Variants in DOCK2 observed in about 807,000 individuals in gnomAD.
DOCK2 encodes dedicator of cytokinesis protein 2.
In DOCK2, 87 loss-of-function variants were observed where a neutral mutation model predicts 248.9. That is an observed-to-expected ratio of 0.35 (90% CI 0.29 to 0.42). The LOEUF is 0.42. Ranked by LOEUF, DOCK2 falls within the 10% of genes least tolerant of loss-of-function variation. The pLI is 1.00. For synonymous variants in DOCK2, 805 were observed against 821.6 expected (o/e 0.98, Z 0.35); for missense variants, 1,747 against 2,300.2 (o/e 0.76, Z 4.92).
At chr5:169,895,495 C>T (rs1285461255) in intron 27 of DOCK2, among the ~76,000 whole-genome samples, 1 of 152,060 alleles carries the variant, frequency 6.6e-6, no homozygotes, top group Admixed American at 6.6e-5. Context: ...TCCCCTGCCC[C>T]TAGAGAAAAG....
chr5:169,822,728 C>A (rs1481645001), intron 26 of DOCK2, among the ~76,000 whole-genome samples: 1 of 152,130 alleles, frequency 6.6e-6, no homozygotes, highest in Non-Finnish European at 1.5e-5. Context: ...CAAGAACAAA[C>A]ACATTCAAAA....
intron 26 of DOCK2, among the ~76,000 whole-genome samples, chr5:169,837,291 A>C (rs1769643382): frequency 6.6e-6 from 1 of 152,242 alleles, no homozygotes; most frequent in Non-Finnish European, 1.5e-5. Flanking sequence ...TGAGCCCAGA[A>C]GTCACTTTCC....
intron 27 of DOCK2, among the ~76,000 whole-genome samples, chr5:169,913,837 A>C (rs959695758): frequency 6.6e-6 from 1 of 152,198 alleles, no homozygotes; most frequent in African/African-American, 2.4e-5. Context: ...TGTTGATCCC[A>C]TTTAAGAACT....
At chr5:170,070,534 A>G (rs887940383) in intron 46 of DOCK2, among the ~76,000 whole-genome samples, 1 of 152,150 alleles carries the variant, frequency 6.6e-6, no homozygotes, top group African/African-American at 2.4e-5. Flanking sequence ...AATATCCCCC[A>G]GGTCCCCAGC....
intron 47 of DOCK2, 69 bp from the exon 48 acceptor site, chr5:170,077,641 A>G: frequency 6.3e-7 from 1 of 1,592,604 alleles, no homozygotes; most frequent in Non-Finnish European, 8.6e-7. Flanking sequence ...TGGAGGAAGA[A>G]GGTGACAGGA....
At chr5:170,033,286 T>C (rs923104637) in intron 34 of DOCK2, among the ~76,000 whole-genome samples, 3 of 152,230 alleles carry the variant, frequency 2.0e-5, no homozygotes, top group East Asian at 1.9e-4. Flanking sequence ...TACCACACAA[T>C]GCCTAGCAAC....
chr5:169,671,064 C>G lies in DOCK2; in HGVS notation c.225-14C>G, dbSNP rs1292211197. 2 of 1,609,732 alleles carry G rather than the reference C, an allele frequency of 1.2e-6. No homozygotes were observed. The highest frequency in any genetic ancestry group is 1.7e-6 in the Non-Finnish European group (2 of 1,177,602). ...GTCTCAATTTCACACCACTTTTTCT[C>G]CCACCTTAAATAGAAATACTGAGAA... On this transcript the variant is annotated splice_polypyrimidine_tract_variant and intron_variant, in intron 4 of 51. Coordinates refer to ENST00000520908, the MANE Select transcript of DOCK2 (RefSeq NM_004946.3).
rs1757980235 is a variant in DOCK2 at position 170,080,213 on chromosome 5, G to GTT, written c.5217_5218insTT (p.Ala1740LeufsTer13). ...GTGACACCAACCTCTCGGAGCATGCGGCCATCCCCCTCAAGGCGTCTGTCC... is the reference window on the plus strand; with the variant it reads ...GTGACACCAACCTCTCGGAGCATGCGTTGCCATCCCCCTCAAGGCGTCTGTCC... On this transcript the variant is annotated frameshift_variant, in exon 50 of 52. Coordinates refer to ENST00000520908, the MANE Select transcript of DOCK2 (RefSeq NM_004946.3). LOFTEE classifies it high-confidence loss of function. 1 of 1,613,976 alleles carries GTT rather than the reference G, an allele frequency of 6.2e-7. No homozygotes were observed. Among genetic ancestry groups the GTT allele is most frequent in the African/African-American group, 1.3e-5 (1 of 74,890 alleles).
At position 170,073,475 on chromosome 5, in the gene DOCK2, C is replaced by T. The variant is rs535193690; in HGVS notation, c.4729-2472C>T. Among the ~76,000 whole-genome samples the T allele has an allele frequency of 1.7e-3, 254 of 152,298 alleles. 2 individuals are homozygous for T. The highest frequency in any genetic ancestry group is 5.7e-3 in the African/African-American group (237 of 41,570). ...TTTAAAATAACCTTGCCAATGTTTA[C>T]ACACTCCTCCCAAACACATTGAGAT... On this transcript the variant is annotated intron_variant, in intron 46 of 51. Coordinates refer to ENST00000520908, the MANE Select transcript of DOCK2 (RefSeq NM_004946.3).
intron 26 of DOCK2, among the ~76,000 whole-genome samples, chr5:169,807,204 C>G (rs7708704): frequency 0.11 from 16,980 of 152,098 alleles, 1,181 homozygotes; most frequent in African/African-American, 0.2. Context: ...TGATGATTAC[C>G]AGGTGATGCT....
At chr5:169,951,653 C>G (rs570950398) in intron 27 of DOCK2, among the ~76,000 whole-genome samples, 2 of 152,204 alleles carry the variant, frequency 1.3e-5, no homozygotes, top group African/African-American at 4.8e-5. Flanking sequence ...TGATGAGGGT[C>G]CAGAGTATGT....
At chr5:169,674,941 A>G (rs2113313751) in intron 6 of DOCK2, among the ~76,000 whole-genome samples, 1 of 152,386 alleles carries the variant, frequency 6.6e-6, no homozygotes, top group Non-Finnish European at 1.5e-5. Context: ...GAAGTTAAGG[A>G]GAAAATGAAC....
rs900392189 is a variant in DOCK2, at chr5:169,753,606, T to C, written c.2377-6099T>C. On this transcript the variant is annotated intron_variant, in intron 23 of 51. Transcript: ENST00000520908. The stretch of plus-strand genomic sequence containing the variant: ...TGGCTGTGTAAGTCCAGAGTTTGAG[T>C]TCTTAATCACCACCAAACAATAGCG... Among the ~76,000 whole-genome samples, 24 of 152,284 alleles carry C rather than the reference T, an allele frequency of 1.6e-4. 1 individual carries two copies. Among genetic ancestry groups the C allele is most frequent in the Middle Eastern group, 3.4e-3 (1 of 294 alleles).
intron 27 of DOCK2, among the ~76,000 whole-genome samples, chr5:169,899,860 T>G (rs1773820042): frequency 6.6e-6 from 1 of 152,222 alleles, no homozygotes; most frequent in South Asian, 2.1e-4. Context: ...AGAAAAAAAT[T>G]AAGCAGACTC....
intron 25 of DOCK2, among the ~76,000 whole-genome samples, chr5:169,796,905 G>A (rs1396754825): frequency 6.6e-6 from 1 of 152,216 alleles, no homozygotes; most frequent in African/African-American, 2.4e-5. Context: ...TGAGTTAAGG[G>A]AAGAGCTTGC....
intron 30 of DOCK2, among the ~76,000 whole-genome samples, chr5:169,996,372 C>T (rs1311381642): frequency 6.6e-6 from 1 of 152,192 alleles, no homozygotes; most frequent in South Asian, 2.1e-4. Context: ...TCATCATATG[C>T]AAATGTGACG....
chr5:169,959,747 T>C (rs1777006819), intron 27 of DOCK2, among the ~76,000 whole-genome samples: 1 of 152,214 alleles, frequency 6.6e-6, no homozygotes, highest in South Asian at 2.1e-4. Context: ...ATCCTAGTTA[T>C]TCCACATCCT....
intron 27 of DOCK2, among the ~76,000 whole-genome samples, chr5:169,903,965 T>C (rs1774118458): frequency 6.6e-6 from 1 of 151,794 alleles, no homozygotes; most frequent in Non-Finnish European, 1.5e-5. Flanking sequence ...CTGGGCGTGG[T>C]CCTGTAATCC....
chr5:169,960,039 C>T (rs1047543304), intron 27 of DOCK2, among the ~76,000 whole-genome samples: 2 of 152,218 alleles, frequency 1.3e-5, no homozygotes, highest in African/African-American at 2.4e-5. Flanking sequence ...CTCAGGCTAT[C>T]AGTCCCTCAA....
Sources: allele counts gnomAD v4.1 joint callset (sites outside exome capture counted in the v4.1 genomes callset), GRCh38; gene constraint gnomAD v4.1.1; transcripts MANE v1.5; gene names NCBI Gene and HGNC (gene_info 2026-07-23, HGNC 2026-07-21).